Variants in KCNB2 observed in about 807,000 individuals in gnomAD.
KCNB2 encodes the protein potassium voltage-gated channel subfamily B member 2, also known as delayed rectifier potassium channel protein.
In KCNB2, 15 loss-of-function variants were observed where a neutral mutation model predicts 61.5. The observed-to-expected ratio is 0.24, with a 90% CI of 0.16 to 0.38. The LOEUF (loss-of-function observed/expected upper bound fraction) is 0.38, where lower values mean the gene tolerates loss of function less well. KCNB2 is among the 10% of genes least tolerant of loss of function. The pLI, the probability that KCNB2 is intolerant of heterozygous loss-of-function variation, is 1.00. For synonymous variants in KCNB2, 457 were observed against 446.0 expected (o/e 1.02, Z -0.31); for missense variants, 828 against 1,125.2 (o/e 0.74, Z 3.78).
chr8:72,646,952 A>G (rs758410952), intron 2 of KCNB2, among the ~76,000 whole-genome samples: 1 of 152,168 alleles, frequency 6.6e-6, no homozygotes. Flanking sequence ...TTCTTGGCCA[A>G]AGTTCCAAAA....
intron 2 of KCNB2, among the ~76,000 whole-genome samples, chr8:72,631,962 C>T (rs1477644898): frequency 6.6e-6 from 1 of 152,106 alleles, no homozygotes; most frequent in African/African-American, 2.4e-5. Context: ...GTGGGCTGGG[C>T]ATGGTGGCTT....
chr8:72,788,547 C>G (rs919355037), intron 2 of KCNB2, among the ~76,000 whole-genome samples: 1 of 151,950 alleles, frequency 6.6e-6, no homozygotes, highest in African/African-American at 2.4e-5. Flanking sequence ...TGGGGAGACT[C>G]AAGTTGGTTC....
intron 2 of KCNB2, among the ~76,000 whole-genome samples, chr8:72,682,208 G>C (rs1156953475): frequency 6.6e-6 from 1 of 152,148 alleles, no homozygotes; most frequent in Non-Finnish European, 1.5e-5. Flanking sequence ...TTCAGGTCAT[G>C]ATAAACGTCC....
intron 2 of KCNB2, among the ~76,000 whole-genome samples, chr8:72,776,286 G>A (rs1359861240): frequency 6.6e-6 from 1 of 151,740 alleles, no homozygotes; most frequent in Non-Finnish European, 1.5e-5. Flanking sequence ...AGCATTAGGA[G>A]ATATACCTAG....
chr8:72,910,248 T>G (rs1162723588), intron 2 of KCNB2, among the ~76,000 whole-genome samples: 2 of 152,212 alleles, frequency 1.3e-5, no homozygotes, highest in Non-Finnish European at 2.9e-5. Flanking sequence ...GCACTTAGCC[T>G]CAATCAATCT....
intron 2 of KCNB2, among the ~76,000 whole-genome samples, chr8:72,866,324 A>G (rs1273756557): frequency 4.6e-5 from 7 of 152,330 alleles, no homozygotes; most frequent in African/African-American, 1.7e-4. Context: ...TGCTTCAAAC[A>G]TTGGTGATAT....
At chr8:72,820,982 T>G (rs1809488314) in intron 2 of KCNB2, among the ~76,000 whole-genome samples, 1 of 152,174 alleles carries the variant, frequency 6.6e-6, no homozygotes, top group Admixed American at 6.5e-5. Flanking sequence ...AACTGTAATC[T>G]GCTAAAGTTT....
intron 2 of KCNB2, among the ~76,000 whole-genome samples, chr8:72,808,285 A>C (rs10957618): frequency 0.11 from 16,396 of 152,228 alleles, 1,150 homozygotes; most frequent in East Asian, 0.4. Flanking sequence ...CAATCTAAAT[A>C]TATATAATAA....
chr8:72,594,229 T>G (rs943042233), intron 2 of KCNB2, among the ~76,000 whole-genome samples: 1 of 152,164 alleles, frequency 6.6e-6, no homozygotes, highest in South Asian at 2.1e-4. Context: ...TATTAAGAAG[T>G]TGTTTTCAAT....
At chr8:72,772,213 G>C (rs961075747) in intron 2 of KCNB2, among the ~76,000 whole-genome samples, 2 of 152,146 alleles carry the variant, frequency 1.3e-5, no homozygotes, top group African/African-American at 4.8e-5. Context: ...CATTATCCTC[G>C]ATATACAGCA....
intron 2 of KCNB2, among the ~76,000 whole-genome samples, chr8:72,628,634 A>G (rs1805832184): frequency 1.3e-5 from 2 of 152,182 alleles, no homozygotes; most frequent in Admixed American, 1.3e-4. Context: ...TTGGTATCTC[A>G]GGAGAACTTA....
chr8:72,563,560 T>C (rs796697855), intron 1 of KCNB2, among the ~76,000 whole-genome samples: 105 of 152,036 alleles, frequency 6.9e-4, no homozygotes, highest in African/African-American at 2.4e-3. Flanking sequence ...GCTGTGAGGA[T>C]AGAAAGATCT....
At chr8:72,721,342 T>G (rs1807545598) in intron 2 of KCNB2, among the ~76,000 whole-genome samples, 1 of 152,158 alleles carries the variant, frequency 6.6e-6, no homozygotes, top group Non-Finnish European at 1.5e-5. Flanking sequence ...TGGAAATGAG[T>G]TCAGTGTGCT....
intron 2 of KCNB2, among the ~76,000 whole-genome samples, chr8:72,862,505 A>G (rs1805435756): frequency 6.6e-6 from 1 of 152,158 alleles, no homozygotes; most frequent in Non-Finnish European, 1.5e-5. Flanking sequence ...TTTTCAAGAT[A>G]TTTATATTAA....
Position 72,568,121 on chromosome 8 carries a change from T to C in KCNB2, c.387T>C (p.Asp129=), listed in dbSNP as rs1234472934. The change falls in exon 2 of 3, where the codon GAT becomes GAC. Residue 129 remains aspartate, a synonymous_variant. Transcript: ENST00000523207. ...FGQELDYWGI[D]EIYLESCCQA... ...AAGAACTTGATTACTGGGGGATTGA[T>C]GAGATCTACTTGGAGTCCTGCTGCC... 1 of 1,614,092 alleles carries C rather than the reference T, an allele frequency of 6.2e-7. No homozygotes were observed. Among genetic ancestry groups the C allele is most frequent in the South Asian group, 1.1e-5 (1 of 91,066 alleles).
chr8:72,798,997 G>A (rs1809076815), intron 2 of KCNB2, among the ~76,000 whole-genome samples: 1 of 152,056 alleles, frequency 6.6e-6, no homozygotes, highest in African/African-American at 2.4e-5. Context: ...ACCATCTCTG[G>A]GGGCATTATC....
chr8:72,663,113 A>G (rs1225602200), intron 2 of KCNB2, among the ~76,000 whole-genome samples: 3 of 152,188 alleles, frequency 2.0e-5, no homozygotes, highest in African/African-American at 7.2e-5. Context: ...GGGTTAGCTC[A>G]TAACAACATT....
At chr8:72,908,600 G>T (rs1292278275) in intron 2 of KCNB2, among the ~76,000 whole-genome samples, 1 of 152,212 alleles carries the variant, frequency 6.6e-6, no homozygotes, top group Non-Finnish European at 1.5e-5. Context: ...GATGAGACTG[G>T]AAAGGTAAGT....
chr8:72,698,303 T>C (rs1172477116), intron 2 of KCNB2, among the ~76,000 whole-genome samples: 2 of 151,870 alleles, frequency 1.3e-5, no homozygotes, highest in Non-Finnish European at 2.9e-5. Flanking sequence ...TAGGAATACA[T>C]GTAACCAAGG....
Sources: gnomAD v4.1 joint callset for allele counts (sites outside exome capture counted in the v4.1 genomes callset) on GRCh38, gnomAD v4.1.1 for gene constraint, MANE v1.5 for transcripts, NCBI Gene and HGNC (gene_info 2026-07-23, HGNC 2026-07-21) for gene names.